The following HIVEP1 variants were observed in gnomAD, a reference collection of about 807,000 sequenced individuals.
The protein encoded by HIVEP1 is HIVEP zinc finger 1.
HIVEP1 carries 36 observed loss-of-function variants against 180.0 expected under a neutral mutation model. The ratio of observed to expected loss-of-function variants is 0.20; its 90% CI spans 0.15 to 0.26. The LOEUF (loss-of-function observed/expected upper bound fraction) is 0.26, where lower values mean the gene tolerates loss of function less well. Ranked by LOEUF, HIVEP1 falls within the 10% of genes least tolerant of loss-of-function variation. The pLI is 1.00. For synonymous variants in HIVEP1, 1,239 were observed against 1,239.0 expected, an observed-to-expected ratio of 1.00 and a Z score of 0.00; for missense variants, 3,143 against 3,268.7, an observed-to-expected ratio of 0.96 and a Z score of 0.94.
chr6:12,173,482 C>T, the HIVEP1 span, among the ~76,000 whole-genome samples: 1 of 152,042 alleles, frequency 6.6e-6, no homozygotes, highest in Non-Finnish European at 1.5e-5. Flanking sequence ...CTATAAAAAG[C>T]GTAAGAGAGA....
intron 2 of HIVEP1, among the ~76,000 whole-genome samples, chr6:12,071,971 C>T (rs983851819): frequency 6.6e-6 from 1 of 152,048 alleles, no homozygotes; most frequent in Non-Finnish European, 1.5e-5. Context: ...TTGCCTCTGT[C>T]TTTTTCTTCT....
At chr6:12,051,087 A>G (rs976225100) in intron 2 of HIVEP1, among the ~76,000 whole-genome samples, 1 of 146,672 alleles carries the variant, frequency 6.8e-6, no homozygotes, top group Non-Finnish European at 1.5e-5. Context: ...CTTGGATCTT[A>G]TACTTCTGTC....
At chr6:12,013,822 AT>A (rs59997630) in intron 1 of HIVEP1, among the ~76,000 whole-genome samples, 92,004 of 151,694 alleles carry the variant, frequency 0.61, 28,251 homozygotes, top group Middle Eastern at 0.69. Flanking sequence ...TTAGACCATC[AT>A]TTTTTTTTGT....
Position 12,147,674 on chromosome 6 carries a change from G to A in HIVEP1, c.6487+11782G>A, listed in dbSNP as rs566560188. On this transcript the variant is annotated intron_variant, in intron 7 of 8. Coordinates refer to ENST00000379388, the MANE Select transcript of HIVEP1 (RefSeq NM_002114.4). Reference sequence around the variant, plus strand: ...CCACAGAGCCAAAGCCTTTTTTCTGGGTGGATGAGTGTTTTATAAAAGAAG... The same window carrying A: ...CCACAGAGCCAAAGCCTTTTTTCTGAGTGGATGAGTGTTTTATAAAAGAAG... Among the ~76,000 whole-genome samples, 7 of 152,168 alleles carry A rather than the reference G, an allele frequency of 4.6e-5. No individual in the cohort carries two copies. The South Asian group carries it at 1.5e-3, about 32-fold the overall frequency.
chr6:12,163,496 A>G lies in HIVEP1; in HGVS notation c.7192A>G (p.Met2398Val), dbSNP rs1017082321. Residue 2398 changes from methionine (M) to valine (V), a missense_variant, in exon 9 of 9, where the codon ATG (methionine) becomes GTG (valine). Met to Val is a conservative substitution (Grantham distance 21). This residue lies in a region of HIVEP1 where 595 missense variants were observed against 602.2 expected (regional missense o/e 0.99). Transcript: ENST00000379388. ...GCAGCAATCGAGGACACCTTATAAT[A>G]TGGTTCCAGTTGGGGGGATCCATGT... ...SQQQSRTPYN[M>V]VPVGGIHVVP... The G allele has an allele frequency of 1.2e-6, 2 of 1,614,080 alleles. No individual in the cohort carries two copies. The highest frequency in any genetic ancestry group is 4.5e-5 in the East Asian group (2 of 44,882).
chr6:12,117,810 G>A (rs1269033596), intron 3 of HIVEP1, among the ~76,000 whole-genome samples: 2 of 152,096 alleles, frequency 1.3e-5, no homozygotes, highest in Non-Finnish European at 2.9e-5. Context: ...CTCTGTTTTT[G>A]TATTTATTTT....
At position 12,015,542 on chromosome 6, in the gene HIVEP1, T is replaced by C; in HGVS notation, c.-87T>C. The C allele has an allele frequency of 5.0e-6, 5 of 1,006,802 alleles. No homozygotes were observed. Among genetic ancestry groups the C allele is most frequent in the Non-Finnish European group, 7.8e-6 (5 of 644,676 alleles). 62.4% of individuals were successfully genotyped at this position (1,006,802 alleles called of 1,614,324 possible). On this transcript the variant is annotated 5_prime_UTR_variant, in exon 2 of 9. It removes an upstream start codon present in the reference 5' UTR. Transcript: ENST00000379388. ...CTTTTTCAGCACATGGATTAATTGA[T>C]GTATGTTGAGTTTATGGAGCTGCCT... is the stretch of plus-strand genomic sequence containing the variant.
the HIVEP1 span, among the ~76,000 whole-genome samples, chr6:12,207,742 A>AAATAATAATAATAAT: frequency 0.18 from 25,250 of 137,944 alleles, 2,474 homozygotes; most frequent in Admixed American, 0.22. Context: ...AGTCTCTACA[A>AAATAATAATAATAAT]AATAATAATA....
chr6:12,166,960 A>G (rs1760722114), downstream of HIVEP1, among the ~76,000 whole-genome samples: 1 of 152,180 alleles, frequency 6.6e-6, no homozygotes, highest in Admixed American at 6.5e-5. Flanking sequence ...CTAGTTAAAG[A>G]TTATTATATC....
At chr6:12,173,474 AT>A in the HIVEP1 span, among the ~76,000 whole-genome samples, 1 of 152,222 alleles carries the variant, frequency 6.6e-6, no homozygotes, top group African/African-American at 2.4e-5. Flanking sequence ...CATTTTAGCT[AT>A]AAAAAGCGTA....
At chr6:12,105,171 G>A (rs990253209) in intron 3 of HIVEP1, among the ~76,000 whole-genome samples, 2 of 152,136 alleles carry the variant, frequency 1.3e-5, no homozygotes, top group Non-Finnish European at 2.9e-5. Flanking sequence ...TGAGATTTTT[G>A]GGGCCATTGA....
chr6:12,123,774 G>A lies in HIVEP1; in HGVS notation c.3979G>A (p.Val1327Ile), dbSNP rs969050341. 8 of 1,614,030 alleles carry A rather than the reference G, an allele frequency of 5.0e-6. No homozygotes were observed. The highest frequency in any genetic ancestry group is 4.0e-5 in the African/African-American group (3 of 74,912). Reference sequence around the variant, plus strand: ...CTCAGCCTCTTTAGACATAGAGGACGTTTCTAAAACGGAGGCTTCCCCCAA... The same window carrying A: ...CTCAGCCTCTTTAGACATAGAGGACATTTCTAAAACGGAGGCTTCCCCCAA... Reference protein sequence around the residue: ...SFSASLDIEDVSKTEASPKID... With the variant: ...SFSASLDIEDISKTEASPKID... The change falls in exon 4 of 9, where the codon GTT becomes ATT. Residue 1327 changes from valine (V) to isoleucine (I), a missense_variant. Physicochemically the swap from Val to Ile is conservative, Grantham distance 29 (BLOSUM62 3). Transcript: ENST00000379388.
chr6:12,122,562 C>T lies in HIVEP1; in HGVS notation c.2767C>T (p.His923Tyr), dbSNP rs756847449. 5 of 1,614,052 alleles carry T rather than the reference C, an allele frequency of 3.1e-6. No individual in the cohort carries two copies. Among genetic ancestry groups the T allele is most frequent in the Admixed American group, 1.7e-5 (1 of 60,004 alleles). The stretch of plus-strand genomic sequence containing the variant: ...TACTGGACAGTCCCTGGATGAGAGC[C>T]ACCAAGGATGCCATGCTGCTGGTGA... ...LGTGQSLDES[H>Y]QGCHAAGEAM... is the part of the protein sequence containing the mutation. The change falls in exon 4 of 9, where the codon CAC becomes TAC. Residue 923 changes from histidine to tyrosine, a missense_variant. By Grantham distance (83) the His-to-Tyr change is moderately conservative. Transcript: ENST00000379388.
the HIVEP1 span, among the ~76,000 whole-genome samples, chr6:12,193,417 C>T: frequency 0.38 from 58,465 of 152,012 alleles, 12,143 homozygotes; most frequent in East Asian, 0.54. Context: ...ATTTTTAACA[C>T]TACTGACTCA....
rs377073974 is a variant in HIVEP1, at chr6:12,161,572, C to T, written c.6621C>T (p.Pro2207=). The change falls in exon 8 of 9, where the codon CCC becomes CCT. Residue 2207 remains proline (P), a synonymous_variant. Transcript: ENST00000379388. The part of the protein sequence containing the change: ...SQAESVLSAT[P]SVTASPQHLP... ...CTGAATCAGTCCTGTCAGCCACACC[C>T]TCAGTCACAGCTAGCCCGCAGCACC... 9.9e-6 allele frequency: 16 copies of T among 1,614,002 alleles called. No homozygotes were observed. Among genetic ancestry groups the T allele is most frequent in the African/African-American group, 1.3e-5 (1 of 74,912 alleles).
intron 1 of HIVEP1, among the ~76,000 whole-genome samples, chr6:12,014,305 C>T (rs1767598753): frequency 6.6e-6 from 1 of 152,158 alleles, no homozygotes; most frequent in Admixed American, 6.5e-5. Context: ...ACAAAATAAG[C>T]ACTGGATATA....
rs1364144483 is a variant in HIVEP1, at chr6:12,120,099, G to C, written c.304G>C (p.Val102Leu). 2 of 1,613,174 alleles carry C rather than the reference G, an allele frequency of 1.2e-6. No homozygotes were observed. The highest frequency in any genetic ancestry group is 2.2e-5 in the East Asian group (1 of 44,884). ...ESHKKQNYIP[V>L]KNGKQFTKQN... is the part of the protein sequence containing the mutation. ...TCACAAGAAACAGAATTATATTCCT[G>C]TAAAAAATGGGAAGCAGTTTACCAA... The change falls in exon 4 of 9, where the codon GTA becomes CTA. Residue 102 changes from valine (V) to leucine (L), a missense_variant. Val to Leu is a conservative substitution (Grantham distance 32). Transcript: ENST00000379388.
At chr6:12,178,072 G>A in the HIVEP1 span, among the ~76,000 whole-genome samples, 166 of 152,274 alleles carry the variant, frequency 1.1e-3, 1 homozygote, top group Non-Finnish European at 1.9e-3. Flanking sequence ...GGAAAGGCTT[G>A]CAGGTAAGAA....
intron 7 of HIVEP1, among the ~76,000 whole-genome samples, chr6:12,154,757 A>G (rs538168722): frequency 6.6e-6 from 1 of 152,256 alleles, no homozygotes; most frequent in East Asian, 1.9e-4. Flanking sequence ...GTATACCTCC[A>G]TGGCACATGT....
Sources: allele counts gnomAD v4.1 joint callset (sites outside exome capture counted in the v4.1 genomes callset), GRCh38; gene constraint gnomAD v4.1.1; regional missense constraint gnomAD v4.1.1; transcripts MANE v1.5; gene names NCBI Gene and HGNC (gene_info 2026-07-23, HGNC 2026-07-21).